The following TENM2 variants were observed in gnomAD, a reference collection of about 807,000 sequenced individuals.
TENM2 encodes the protein teneurin-2.
In TENM2, 52 loss-of-function variants were observed where a neutral mutation model predicts 245.2. That is an observed-to-expected ratio of 0.21 (90% CI 0.17 to 0.27). TENM2 has a LOEUF of 0.27. Among genes scored for constraint, TENM2 ranks in the 10% least tolerant of loss-of-function variants. The pLI, the probability that TENM2 is intolerant of heterozygous loss-of-function variation, is 1.00. For missense variants in TENM2, 3,046 were observed against 3,666.8 expected, an observed-to-expected ratio of 0.83 and a Z score of 4.37; for synonymous variants, 1,363 against 1,438.9, an observed-to-expected ratio of 0.95 and a Z score of 1.19.
intron 4 of TENM2, among the ~76,000 whole-genome samples, chr5:167,972,521 C>T (rs922860800): frequency 2.6e-5 from 4 of 152,116 alleles, no homozygotes; most frequent in African/African-American, 9.7e-5. Context: ...TGTAATGAAA[C>T]ATCTTGTGTA....
At chr5:167,164,558 T>C in the TENM2 span, among the ~76,000 whole-genome samples, 1 of 152,194 alleles carries the variant, frequency 6.6e-6, no homozygotes, top group Non-Finnish European at 1.5e-5. Context: ...ATAGAAAGAA[T>C]AGTTCAATCT....
At chr5:167,107,404 G>A in the TENM2 span, among the ~76,000 whole-genome samples, 3 of 152,280 alleles carry the variant, frequency 2.0e-5, no homozygotes, top group Non-Finnish European at 4.4e-5. Context: ...GTGACTATAG[G>A]ATCAATAAAC....
the TENM2 span, among the ~76,000 whole-genome samples, chr5:167,262,067 T>C: frequency 6.6e-6 from 1 of 152,228 alleles, no homozygotes; most frequent in Non-Finnish European, 1.5e-5. Context: ...ATTGACATAT[T>C]TATTTCAATT....
chr5:167,347,399 G>T (rs1436818886), intron 1 of TENM2, among the ~76,000 whole-genome samples: 1 of 152,152 alleles, frequency 6.6e-6, no homozygotes, highest in Non-Finnish European at 1.5e-5. Flanking sequence ...GAAGCCTAGA[G>T]AATTGTCTCC....
chr5:167,860,384 G>A (rs1368079496), intron 2 of TENM2, among the ~76,000 whole-genome samples: 6 of 88,368 alleles, frequency 6.8e-5, no homozygotes, highest in African/African-American at 3.2e-4. Context: ...TCAGCCCCCC[G>A]CCCGGCCAGC....
chr5:167,132,317 A>G, the TENM2 span, among the ~76,000 whole-genome samples: 2 of 152,158 alleles, frequency 1.3e-5, no homozygotes, highest in Non-Finnish European at 2.9e-5. Context: ...GGTGACCCCT[A>G]TTCTGACCTC....
chr5:167,257,034 A>C, the TENM2 span, among the ~76,000 whole-genome samples: 1 of 152,110 alleles, frequency 6.6e-6, no homozygotes, highest in Non-Finnish European at 1.5e-5. Flanking sequence ...ATTTTTCTTC[A>C]ATACTCTAGG....
At chr5:168,036,836 T>C (rs1787754653) in intron 5 of TENM2, among the ~76,000 whole-genome samples, 1 of 151,468 alleles carries the variant, frequency 6.6e-6, no homozygotes, top group Non-Finnish European at 1.5e-5. Flanking sequence ...CTTATCTAAT[T>C]GCAGATGAAA....
chr5:167,100,709 G>C, the TENM2 span, among the ~76,000 whole-genome samples: 321 of 152,104 alleles, frequency 2.1e-3, no homozygotes, highest in African/African-American at 7.5e-3. Flanking sequence ...TTTTTGGGGT[G>C]GGGGAGGGGT....
chr5:167,741,679 G>T (rs1761184408), intron 2 of TENM2, among the ~76,000 whole-genome samples: 1 of 152,110 alleles, frequency 6.6e-6, no homozygotes, highest in South Asian at 2.1e-4. Context: ...TTCTGGTTCA[G>T]CGACTCAGTC....
At chr5:167,822,209 G>A (rs1376674662) in intron 2 of TENM2, among the ~76,000 whole-genome samples, 1 of 151,754 alleles carries the variant, frequency 6.6e-6, no homozygotes, top group African/African-American at 2.4e-5. Flanking sequence ...CGGTCACATT[G>A]TGAATGTTTG....
chr5:167,748,962 G>A (rs1469501743), intron 2 of TENM2, among the ~76,000 whole-genome samples: 2 of 152,010 alleles, frequency 1.3e-5, no homozygotes, highest in East Asian at 3.9e-4. Flanking sequence ...GCCTAGGCTG[G>A]TCTCAAATCC....
chr5:167,864,719 C>G (rs1583222251), intron 2 of TENM2, among the ~76,000 whole-genome samples: 1 of 152,330 alleles, frequency 6.6e-6, no homozygotes, highest in Non-Finnish European at 1.5e-5. Context: ...TCCCAACGAA[C>G]TTATCCCCTC....
At chr5:167,704,406 T>TG (rs1758365922) in intron 2 of TENM2, among the ~76,000 whole-genome samples, 2 of 152,178 alleles carry the variant, frequency 1.3e-5, no homozygotes, top group Admixed American at 1.3e-4. Context: ...CCATTCCTAC[T>TG]CATTCATTTA....
chr5:167,650,542 T>C (rs973750538), intron 2 of TENM2, among the ~76,000 whole-genome samples: 1 of 152,124 alleles, frequency 6.6e-6, no homozygotes, highest in African/African-American at 2.4e-5. Context: ...ATTTTATTTG[T>C]AATAGTTGCT....
chr5:167,756,163 A>G (rs1762298507), intron 2 of TENM2, among the ~76,000 whole-genome samples: 1 of 152,118 alleles, frequency 6.6e-6, no homozygotes, highest in South Asian at 2.1e-4. Context: ...TATGTATATG[A>G]ACTGTGGGTA....
upstream of TENM2, among the ~76,000 whole-genome samples, chr5:167,279,945 G>A (rs72829306): frequency 0.089 from 13,469 of 152,134 alleles, 779 homozygotes; most frequent in East Asian, 0.18. Context: ...CCTGGATTTT[G>A]GTATGACAAG....
At chr5:167,821,659 T>G (rs769652054) in intron 2 of TENM2, among the ~76,000 whole-genome samples, 2 of 152,236 alleles carry the variant, frequency 1.3e-5, no homozygotes, top group Non-Finnish European at 2.9e-5. Flanking sequence ...TTTCTCCATT[T>G]AAAATATGGA....
intron 13 of TENM2, among the ~76,000 whole-genome samples, chr5:168,179,141 A>T (rs1314620100): frequency 6.6e-6 from 1 of 151,270 alleles, no homozygotes; most frequent in South Asian, 2.1e-4. Flanking sequence ...CCTGAAAAAA[A>T]AAAAAAAAAA....
Sources: allele counts gnomAD v4.1 joint callset (sites outside exome capture counted in the v4.1 genomes callset), GRCh38; gene constraint gnomAD v4.1.1; transcripts MANE v1.5; gene names NCBI Gene and HGNC (gene_info 2026-07-23, HGNC 2026-07-21).